MAGI3: variants seen among roughly 807,000 people sequenced by gnomAD.
MAGI3 encodes membrane associated guanylate kinase, WW and PDZ domain containing 3.
MAGI3 carries 43 observed loss-of-function variants against 121.8 expected under a neutral mutation model. That is an observed-to-expected ratio of 0.35 (90% CI 0.28 to 0.46). The LOEUF is 0.46. Among genes scored for constraint, MAGI3 ranks in the 20% least tolerant of loss-of-function variants. The pLI is 1.00. For synonymous variants in MAGI3, 553 were observed against 639.3 expected, an observed-to-expected ratio of 0.86 and a Z score of 2.04; for missense variants, 1,547 against 1,797.3, an observed-to-expected ratio of 0.86 and a Z score of 2.52.
chr1:113,396,066 G>A (rs370079174), intron 1 of MAGI3, among the ~76,000 whole-genome samples: 5 of 152,022 alleles, frequency 3.3e-5, no homozygotes, highest in South Asian at 4.2e-4. Flanking sequence ...GTAAACTGGC[G>A]ACAAAACAAA....
intron 1 of MAGI3, among the ~76,000 whole-genome samples, chr1:113,484,926 G>T (rs1656308835): frequency 6.6e-6 from 1 of 151,504 alleles, no homozygotes; most frequent in Non-Finnish European, 1.5e-5. Context: ...TAGAGATGGG[G>T]TTTCACCATG....
At chr1:113,470,618 T>C (rs544776252) in intron 1 of MAGI3, among the ~76,000 whole-genome samples, 1 of 152,298 alleles carries the variant, frequency 6.6e-6, no homozygotes, top group African/African-American at 2.4e-5. Context: ...ATGGTCACCA[T>C]GCTGTCCATT....
intron 1 of MAGI3, among the ~76,000 whole-genome samples, chr1:113,485,128 GTGCAAGTATC>G (rs1382594470): frequency 2.6e-5 from 4 of 152,158 alleles, no homozygotes; most frequent in African/African-American, 7.2e-5. Context: ...AAACATGCAT[GTGCAAGTATC>G]TTTTTCTTAT....
chr1:113,598,202 ACT>A (rs1570920373), intron 6 of MAGI3, among the ~76,000 whole-genome samples: 1 of 151,578 alleles, frequency 6.6e-6, no homozygotes, highest in East Asian at 1.9e-4. Flanking sequence ...ACAGAGCGAG[ACT>A]CTGCCTGCCA....
intron 1 of MAGI3, among the ~76,000 whole-genome samples, chr1:113,535,214 T>C (rs751115006): frequency 6.6e-6 from 1 of 152,076 alleles, no homozygotes; most frequent in Non-Finnish European, 1.5e-5. Flanking sequence ...TTATATTTGC[T>C]CTAATTCTTA....
Position 113,642,035 on chromosome 1 carries a change from A to G in MAGI3, c.1485A>G (p.Pro495=). 1 of 1,614,198 alleles carries G rather than the reference A, an allele frequency of 6.2e-7. No individual in the cohort carries two copies. The highest frequency in any genetic ancestry group is 8.5e-7 in the Non-Finnish European group (1 of 1,180,036). Residue 495 remains proline, a synonymous_variant, in exon 10 of 21, where the codon CCA becomes CCG. Coordinates refer to ENST00000307546, the MANE Select transcript of MAGI3 (RefSeq NM_001142782.2). ...YVNLTLCRGY[P]LPDDSEDPVV... ...ACCTCACTTTATGTCGTGGTTATCCACTTCCTGATGACAGTGAAGATCCTG... is the reference window on the plus strand; with the variant it reads ...ACCTCACTTTATGTCGTGGTTATCCGCTTCCTGATGACAGTGAAGATCCTG...
At chr1:113,454,572 A>G (rs1056329975) in intron 1 of MAGI3, among the ~76,000 whole-genome samples, 2 of 152,066 alleles carry the variant, frequency 1.3e-5, no homozygotes, top group Non-Finnish European at 2.9e-5. Context: ...AGGTATATAC[A>G]TGTCATGGTG....
chr1:113,511,893 CAGGAGCATTTGCTCCCA>C (rs915868872), intron 1 of MAGI3, among the ~76,000 whole-genome samples: 18 of 152,320 alleles, frequency 1.2e-4, no homozygotes, highest in African/African-American at 4.3e-4. Flanking sequence ...AGTCACCTTT[CAGGAGCATTTGCTCCCA>C]GGGGTGGCAC....
intron 16 of MAGI3, among the ~76,000 whole-genome samples, chr1:113,669,838 G>GT (rs1373472138): frequency 6.6e-6 from 1 of 151,992 alleles, no homozygotes; most frequent in African/African-American, 2.4e-5. Context: ...CCCACCATAG[G>GT]TTTTTTACAC....
At chr1:113,495,969 G>GTGATATAT (rs1475919297) in intron 1 of MAGI3, among the ~76,000 whole-genome samples, 2 of 152,180 alleles carry the variant, frequency 1.3e-5, no homozygotes, top group Non-Finnish European at 2.9e-5. Context: ...ACAAGTGGTT[G>GTGATATAT]TGATATATGT....
At chr1:113,459,851 G>A (rs189489394) in intron 1 of MAGI3, among the ~76,000 whole-genome samples, 3 of 152,262 alleles carry the variant, frequency 2.0e-5, no homozygotes, top group African/African-American at 7.2e-5. Flanking sequence ...ACAAACAAGA[G>A]CTGGCACCAT....
At chr1:113,418,977 C>T (rs1419384770) in intron 1 of MAGI3, among the ~76,000 whole-genome samples, 1 of 151,946 alleles carries the variant, frequency 6.6e-6, no homozygotes, top group Admixed American at 6.6e-5. Flanking sequence ...TCATTGTTTT[C>T]CTGGAAGAAA....
At chr1:113,640,503 C>A (rs761304493) in intron 9 of MAGI3, among the ~76,000 whole-genome samples, 3 of 152,028 alleles carry the variant, frequency 2.0e-5, no homozygotes, top group Non-Finnish European at 4.4e-5. Flanking sequence ...TGATAGATTG[C>A]ATAAGGAAAA....
chr1:113,587,618 G>C (rs1328411132), intron 4 of MAGI3, among the ~76,000 whole-genome samples: 1 of 152,162 alleles, frequency 6.6e-6, no homozygotes, highest in Non-Finnish European at 1.5e-5. Flanking sequence ...ATATCTTGCT[G>C]AAGAAATAAC....
chr1:113,673,818 A>G (rs79665179), intron 19 of MAGI3, among the ~76,000 whole-genome samples: 1,704 of 152,312 alleles, frequency 0.011, 28 homozygotes, highest in Non-Finnish European at 0.016. Flanking sequence ...GCGAGGATCA[A>G]ATAGAATCTT....
chr1:113,592,478 G>A (rs944813087), intron 5 of MAGI3, among the ~76,000 whole-genome samples: 23 of 152,208 alleles, frequency 1.5e-4, no homozygotes, highest in African/African-American at 5.1e-4. Context: ...TTCTCAAGTG[G>A]CAGTTTTTAG....
Position 113,415,045 on chromosome 1 carries a change from A to G in MAGI3, c.316+23696A>G, listed in dbSNP as rs143043951. Among the ~76,000 whole-genome samples, 1,090 of 152,232 alleles carry G rather than the reference A, an allele frequency of 7.2e-3. 14 individuals carry two copies. The highest frequency in any genetic ancestry group is 0.024 in the African/African-American group (1,010 of 41,556). On this transcript the variant is annotated intron_variant, in intron 1 of 20. Coordinates refer to ENST00000307546, the MANE Select transcript of MAGI3 (RefSeq NM_001142782.2). ...TTCACAGTATTTGTATAAATGTGTT[A>G]CTAGACCAAATAATGTAAATCTGAG...
intron 1 of MAGI3, among the ~76,000 whole-genome samples, chr1:113,435,638 C>T (rs910193986): frequency 6.6e-6 from 1 of 151,942 alleles, no homozygotes; most frequent in African/African-American, 2.4e-5. Context: ...TGTTTCAGTC[C>T]TTATCATATG....
At chr1:113,435,148 A>C (rs1209628785) in intron 1 of MAGI3, among the ~76,000 whole-genome samples, 3 of 152,128 alleles carry the variant, frequency 2.0e-5, no homozygotes, top group African/African-American at 7.2e-5. Context: ...TTTAAGATTC[A>C]GAGTTGAAAT....
Sources: gnomAD v4.1 joint callset for allele counts (sites outside exome capture counted in the v4.1 genomes callset) on GRCh38, gnomAD v4.1.1 for gene constraint, MANE v1.5 for transcripts, NCBI Gene and HGNC (gene_info 2026-07-23, HGNC 2026-07-21) for gene names.